Variants in AFF3 observed in about 807,000 individuals in gnomAD.
AFF3 encodes AF4/FMR2 family member 3.
In AFF3, 32 loss-of-function variants were observed where a neutral mutation model predicts 129.7. The observed-to-expected ratio is 0.25, with a 90% CI of 0.19 to 0.33. The LOEUF (loss-of-function observed/expected upper bound fraction) is 0.33. Among genes scored for constraint, AFF3 ranks in the 10% least tolerant of loss-of-function variants. The pLI is 1.00. For synonymous variants in AFF3, 644 were observed against 635.4 expected (o/e 1.01, Z -0.20); for missense variants, 1,373 against 1,592.0 (o/e 0.86, Z 2.34).
At chr2:99,892,807 A>AT (rs1483887422) in intron 7 of AFF3, among the ~76,000 whole-genome samples, 2 of 152,112 alleles carry the variant, frequency 1.3e-5, no homozygotes, top group African/African-American at 4.8e-5. Flanking sequence ...ACAGAGTGTT[A>AT]TGGCCTCTAC....
At chr2:99,859,410 G>C (rs1353079668) in intron 7 of AFF3, among the ~76,000 whole-genome samples, 1 of 152,208 alleles carries the variant, frequency 6.6e-6, no homozygotes, top group African/African-American at 2.4e-5. Flanking sequence ...CAGACCTACT[G>C]AGTCAGAATC....
chr2:99,957,768 A>C (rs1257402352), intron 7 of AFF3, among the ~76,000 whole-genome samples: 1 of 152,166 alleles, frequency 6.6e-6, no homozygotes, highest in Admixed American at 6.6e-5. Flanking sequence ...GTGGAAACAA[A>C]GGCTTGGTCT....
chr2:99,994,006 G>T (rs563507974), intron 7 of AFF3, among the ~76,000 whole-genome samples: 1 of 151,048 alleles, frequency 6.6e-6, no homozygotes, highest in African/African-American at 2.4e-5. Flanking sequence ...GGGTTTCACC[G>T]TGTTGGCCAG....
intron 7 of AFF3, among the ~76,000 whole-genome samples, chr2:99,967,427 G>C (rs1214610296): frequency 6.6e-6 from 1 of 152,080 alleles, no homozygotes; most frequent in Non-Finnish European, 1.5e-5. Flanking sequence ...CATTAAATTT[G>C]AACCATTCAA....
intron 7 of AFF3, among the ~76,000 whole-genome samples, chr2:99,862,482 A>G (rs1392879166): frequency 6.6e-6 from 1 of 152,236 alleles, no homozygotes; most frequent in Non-Finnish European, 1.5e-5. Context: ...CTGGATCACT[A>G]AAATTCCATT....
At chr2:100,017,425 G>A (rs1403811239) in intron 4 of AFF3, among the ~76,000 whole-genome samples, 1 of 152,104 alleles carries the variant, frequency 6.6e-6, no homozygotes, top group African/African-American at 2.4e-5. Context: ...AATATTTTCT[G>A]GGAGCATTTC....
chr2:99,736,606 T>C (rs1475202404), intron 10 of AFF3, among the ~76,000 whole-genome samples: 1 of 122,154 alleles, frequency 8.2e-6, no homozygotes, highest in Non-Finnish European at 1.6e-5. Context: ...TTTAAATTAC[T>C]GATTTTTTTT....
At chr2:99,698,243 G>A (rs62156490) in intron 11 of AFF3, among the ~76,000 whole-genome samples, 3,567 of 152,260 alleles carry the variant, frequency 0.023, 56 homozygotes, top group Non-Finnish European at 0.03. Flanking sequence ...GTTTTTTAAA[G>A]TTCATTTCTC....
chr2:99,647,105 A>G lies in AFF3; in HGVS notation c.1184+2521T>C, dbSNP rs548383324. On this transcript the variant is annotated intron_variant, in intron 13 of 24. Coordinates refer to ENST00000672756, the MANE Select transcript of AFF3 (RefSeq NM_001386135.1). Reference sequence around the variant, plus strand: ...AAGACATTGTGGTGATTCTTCAAAGACCTAGAGGCAGAAATACCATTTGAT... The same window carrying G: ...AAGACATTGTGGTGATTCTTCAAAGGCCTAGAGGCAGAAATACCATTTGAT... 7.9e-5 allele frequency among the ~76,000 whole-genome samples: 12 copies of G among 152,286 alleles called. No individual in the cohort carries two copies. In the South Asian group the frequency reaches 2.5e-3, roughly 32 times the overall value.
chr2:99,718,232 T>C (rs1342228400), intron 11 of AFF3, among the ~76,000 whole-genome samples: 4 of 152,218 alleles, frequency 2.6e-5, no homozygotes, highest in Non-Finnish European at 5.9e-5. Flanking sequence ...CAAGATTGTG[T>C]TGAATCTATA....
chr2:99,611,966 C>T (rs1334386511), intron 13 of AFF3, among the ~76,000 whole-genome samples: 1 of 152,090 alleles, frequency 6.6e-6, no homozygotes, highest in Non-Finnish European at 1.5e-5. Context: ...CCTGTGGCTT[C>T]CGTCTGTGCC....
chr2:99,756,753 C>T (rs987639625), intron 8 of AFF3, among the ~76,000 whole-genome samples: 9 of 152,190 alleles, frequency 5.9e-5, no homozygotes, highest in African/African-American at 2.2e-4. Context: ...AGTCTTTATA[C>T]TTGCTGTTTT....
At chr2:99,796,860 G>A (rs555031696) in intron 8 of AFF3, among the ~76,000 whole-genome samples, 1 of 152,240 alleles carries the variant, frequency 6.6e-6, no homozygotes, top group South Asian at 2.1e-4. Context: ...AATTAACAGG[G>A]CATTGGATAG....
chr2:99,559,036 T>C, intron 21 of AFF3, 68 bp from the exon 22 acceptor site: 1 of 1,438,596 alleles, frequency 7.0e-7, no homozygotes, highest in South Asian at 1.2e-5. Flanking sequence ...GACTTAAACA[T>C]TTTTGTTGTT....
chr2:99,730,180 T>A (rs1422381318), intron 10 of AFF3, among the ~76,000 whole-genome samples: 1 of 152,040 alleles, frequency 6.6e-6, no homozygotes, highest in Non-Finnish European at 1.5e-5. Context: ...CATGCTGCAG[T>A]GGGAAAAGAT....
At chr2:99,795,061 G>C (rs1277366346) in intron 8 of AFF3, among the ~76,000 whole-genome samples, 2 of 152,124 alleles carry the variant, frequency 1.3e-5, no homozygotes, top group Non-Finnish European at 2.9e-5. Flanking sequence ...TATTTCTGAA[G>C]TGCTAAAATG....
chr2:99,936,355 A>G (rs1345118749), intron 7 of AFF3, among the ~76,000 whole-genome samples: 1 of 152,138 alleles, frequency 6.6e-6, no homozygotes, highest in Admixed American at 6.6e-5. Flanking sequence ...GAGTATCAGC[A>G]CCTGGCCTGC....
At chr2:99,646,709 G>C (rs2105563894) in intron 13 of AFF3, among the ~76,000 whole-genome samples, 1 of 152,294 alleles carries the variant, frequency 6.6e-6, no homozygotes, top group African/African-American at 2.4e-5. Flanking sequence ...GGTCTGACTT[G>C]AGGCACTCGG....
At chr2:99,647,509 C>G (rs1207978793) in intron 13 of AFF3, among the ~76,000 whole-genome samples, 1 of 152,140 alleles carries the variant, frequency 6.6e-6, no homozygotes, top group East Asian at 1.9e-4. Context: ...GGGATAACAT[C>G]AAGAAGAACA....
Sources: allele counts gnomAD v4.1 joint callset (sites outside exome capture counted in the v4.1 genomes callset), GRCh38; gene constraint gnomAD v4.1.1; transcripts MANE v1.5; gene names NCBI Gene and HGNC (gene_info 2026-07-23, HGNC 2026-07-21).